M1AP: variants seen among roughly 807,000 people sequenced by gnomAD.
The protein encoded by M1AP is meiosis 1 associated protein.
In M1AP, 39 loss-of-function variants were observed where a neutral mutation model predicts 51.2. The observed-to-expected ratio is 0.76, with a 90% CI of 0.59 to 1.00. The LOEUF is 1.00. M1AP is among the 50% of genes least tolerant of loss of function. M1AP has a pLI of 0.00. For missense variants in M1AP, 545 were observed against 641.2 expected (o/e 0.85, Z 1.62); for synonymous variants, 251 against 249.2 (o/e 1.01, Z -0.07).
At chr2:74,607,674 C>G (rs1681098993) in intron 3 of M1AP, among the ~76,000 whole-genome samples, 1 of 152,116 alleles carries the variant, frequency 6.6e-6, no homozygotes, top group African/African-American at 2.4e-5. Context: ...CGGGGTTTCA[C>G]CATGTTGGTC....
chr2:74,591,860 A>C (rs768108476), intron 4 of M1AP, among the ~76,000 whole-genome samples: 1 of 152,092 alleles, frequency 6.6e-6, no homozygotes, highest in African/African-American at 2.4e-5. Context: ...ATCTCAACTC[A>C]CTGCAACCTA....
At chr2:74,633,380 C>A (rs1047140680) in intron 2 of M1AP, among the ~76,000 whole-genome samples, 1 of 152,152 alleles carries the variant, frequency 6.6e-6, no homozygotes, top group Admixed American at 6.5e-5. Context: ...AATGTCTGAT[C>A]ATTCTCAGTA....
chr2:74,631,204 A>G (rs1375643693), intron 2 of M1AP, among the ~76,000 whole-genome samples: 1 of 152,078 alleles, frequency 6.6e-6, no homozygotes, highest in Non-Finnish European at 1.5e-5. Context: ...ATTTTATGGT[A>G]TACTCTTTAT....
intron 4 of M1AP, among the ~76,000 whole-genome samples, chr2:74,584,805 CAT>C (rs57709358): frequency 0.22 from 30,778 of 139,106 alleles, 5,047 homozygotes; most frequent in East Asian, 0.77. Flanking sequence ...ATGTTATTGC[CAT>C]ATATATATAT....
At chr2:74,572,383 C>A (rs559643246) in intron 7 of M1AP, among the ~76,000 whole-genome samples, 1 of 152,156 alleles carries the variant, frequency 6.6e-6, no homozygotes, top group South Asian at 2.1e-4. Context: ...TGCAGTGGTG[C>A]GATCATGGGT....
chr2:74,617,581 G>A (rs1404906649), intron 2 of M1AP, among the ~76,000 whole-genome samples: 1 of 152,132 alleles, frequency 6.6e-6, no homozygotes, highest in Non-Finnish European at 1.5e-5. Context: ...TGGGTAGTAG[G>A]CTTAATACCT....
rs141387382 is a variant in M1AP, at chr2:74,558,623, C to T, written c.*93G>A. 732 of 1,464,708 alleles carry T rather than the reference C, an allele frequency of 5.0e-4. 6 individuals are homozygous for T. In the East Asian group the frequency reaches 0.015, roughly 29 times the overall value. The allele number at this position is 1,464,708 out of a possible 1,614,324, so 90.7% of individuals were successfully genotyped here. ...CAGCCCTCACTCACAGAGGCTCAGG[C>T]GGATAGAGAGCAAGTCTGACCACAG... is the stretch of plus-strand genomic sequence containing the variant. On this transcript the variant is annotated 3_prime_UTR_variant, in exon 11 of 11. Coordinates refer to ENST00000421985, the MANE Select transcript of M1AP (RefSeq NM_001321739.2).
chr2:74,620,758 CT>C, intron 2 of M1AP: 1 of 212,526 alleles, frequency 4.7e-6, no homozygotes, highest in Non-Finnish European at 1.0e-5. Context: ...CTCTTCAGGC[CT>C]TTTGAGTGAA....
chr2:74,592,152 CA>C (rs1278601517), intron 4 of M1AP, among the ~76,000 whole-genome samples: 2 of 151,954 alleles, frequency 1.3e-5, no homozygotes, highest in Non-Finnish European at 2.9e-5. Flanking sequence ...AATAGCTTTG[CA>C]ACCGACTCTG....
intron 2 of M1AP, chr2:74,629,005 C>G (rs903420656): frequency 4.9e-6 from 1 of 203,858 alleles, no homozygotes; most frequent in Non-Finnish European, 1.0e-5. Flanking sequence ...ACGGGAATGT[C>G]TTTAGTGTTT....
chr2:74,563,322 G>A (rs1297596369), intron 7 of M1AP, among the ~76,000 whole-genome samples: 4 of 152,230 alleles, frequency 2.6e-5, no homozygotes, highest in South Asian at 2.1e-4. Context: ...GAGCAGGGCC[G>A]GGAGCGGTGG....
At chr2:74,615,327 C>T (rs1360060099) in intron 2 of M1AP, among the ~76,000 whole-genome samples, 178 bp from the exon 3 acceptor site, 2 of 152,200 alleles carry the variant, frequency 1.3e-5, no homozygotes, top group African/African-American at 2.4e-5. Flanking sequence ...ATCTTCCCTA[C>T]ACTAGCAGAA....
chr2:74,597,165 CTT>C (rs991788126), intron 4 of M1AP, among the ~76,000 whole-genome samples: 29 of 152,058 alleles, frequency 1.9e-4, no homozygotes, highest in African/African-American at 7.0e-4. Context: ...TTTTTAAATA[CTT>C]TTAGATTTTC....
chr2:74,562,417 C>T lies in M1AP; in HGVS notation c.1081G>A (p.Glu361Lys). 1.2e-6 allele frequency: 2 copies of T among 1,614,194 alleles called. No individual in the cohort carries two copies. Among genetic ancestry groups the T allele is most frequent in the Non-Finnish European group, 8.5e-7 (1 of 1,180,022 alleles). The change falls in exon 8 of 11, where the codon GAA becomes AAA. Residue 361 changes from glutamate to lysine, a missense_variant. Glu to Lys is a moderately conservative substitution (Grantham distance 56, BLOSUM62 1). Transcript: ENST00000421985. ...HALCHSLLKR[E>K]WLLLAKGEPP... Reference sequence around the variant, plus strand: ...TCCCCCTTGGCTAACAGCAGCCATTCCCTTTTCTGAAACAAGGACATACAG... The same window carrying T: ...TCCCCCTTGGCTAACAGCAGCCATTTCCTTTTCTGAAACAAGGACATACAG...
chr2:74,647,433 T>A, intron 1 of M1AP: 1 of 983,462 alleles, frequency 1.0e-6, no homozygotes, highest in South Asian at 4.7e-5. Context: ...AAAGATTTCG[T>A]GGGCCCTAAG....
chr2:74,578,263 G>A (rs1679199377), intron 5 of M1AP, among the ~76,000 whole-genome samples: 2 of 152,264 alleles, frequency 1.3e-5, no homozygotes, highest in South Asian at 4.1e-4. Flanking sequence ...CCCAGACACT[G>A]GTATTTTATT....
rs189502866 is a variant in M1AP, at chr2:74,578,612, C to T, written c.770-1994G>A. Among the ~76,000 whole-genome samples the T allele has an allele frequency of 5.3e-5, 8 of 152,218 alleles. No individual in the cohort carries two copies. In the East Asian group the frequency reaches 1.5e-3, roughly 29 times the overall value. Reference sequence around the variant, plus strand: ...CAGGTGTGCTTCTCCCACCCAGAGCCCAGATGCAGATGTGGCAGACACCAT... The same window carrying T: ...CAGGTGTGCTTCTCCCACCCAGAGCTCAGATGCAGATGTGGCAGACACCAT... On this transcript the variant is annotated intron_variant, in intron 5 of 10. Transcript: ENST00000421985.
chr2:74,585,649 G>C (rs1367035407), intron 4 of M1AP, among the ~76,000 whole-genome samples: 2 of 152,230 alleles, frequency 1.3e-5, no homozygotes, highest in Non-Finnish European at 2.9e-5. Context: ...AATCTCCACA[G>C]AGGTGCTGTG....
At chr2:74,644,171 C>CT in intron 1 of M1AP, among the ~76,000 whole-genome samples, 1 of 152,098 alleles carries the variant, frequency 6.6e-6, no homozygotes. Context: ...TTGATTTCCC[C>CT]TGTGACAATA....
Sources: gnomAD v4.1 joint callset for allele counts (sites outside exome capture counted in the v4.1 genomes callset) on GRCh38, gnomAD v4.1.1 for gene constraint, MANE v1.5 for transcripts, NCBI Gene and HGNC (gene_info 2026-07-23, HGNC 2026-07-21) for gene names.